The following AGMO variants were observed in gnomAD, a reference collection of about 807,000 sequenced individuals.
AGMO encodes alkylglycerol monooxygenase.
Under a neutral mutation model 60.2 loss-of-function variants are expected in AGMO, and 75 were observed. The ratio of observed to expected loss-of-function variants is 1.25; its 90% confidence interval spans 1.03 to 1.51. AGMO has a LOEUF of 1.51. AGMO is among the 40% of genes most tolerant of loss of function. The probability of loss-of-function intolerance (pLI) is 0.00; values close to 1 mark genes in which losing one functional copy is unlikely to be tolerated. For synonymous variants in AGMO, 261 were observed against 177.1 expected (o/e 1.47, Z -3.76); for missense variants, 763 against 525.5 (o/e 1.45, Z -4.42).
intron 3 of AGMO, among the ~76,000 whole-genome samples, chr7:15,441,368 A>G (rs926463189): frequency 1.3e-5 from 2 of 152,228 alleles, no homozygotes; most frequent in African/African-American, 4.8e-5. Flanking sequence ...TATCTACTTA[A>G]TGAAATCGAA....
At chr7:15,269,385 T>C (rs1044864791) in intron 12 of AGMO, among the ~76,000 whole-genome samples, 1 of 152,108 alleles carries the variant, frequency 6.6e-6, no homozygotes, top group African/African-American at 2.4e-5. Context: ...AAAAGGCAAG[T>C]GAGCACATGA....
chr7:15,186,850 C>T, the AGMO span, among the ~76,000 whole-genome samples: 1 of 152,128 alleles, frequency 6.6e-6, no homozygotes, highest in Admixed American at 6.6e-5. Flanking sequence ...ATGTTTCTCC[C>T]ACACAGTGGA....
At chr7:15,409,444 C>T (rs780961111) in intron 5 of AGMO, among the ~76,000 whole-genome samples, 4 of 151,802 alleles carry the variant, frequency 2.6e-5, no homozygotes, top group Non-Finnish European at 5.9e-5. Flanking sequence ...TGCTGTGTTG[C>T]CTTACATAAA....
chr7:15,202,138 T>C (rs1781306685), intron 12 of AGMO, among the ~76,000 whole-genome samples: 1 of 152,068 alleles, frequency 6.6e-6, no homozygotes, highest in African/African-American at 2.4e-5. Context: ...ACCAGAGTTA[T>C]TGGGATAGCT....
At chr7:15,523,528 T>C (rs1784053875) in intron 3 of AGMO, among the ~76,000 whole-genome samples, 1 of 152,152 alleles carries the variant, frequency 6.6e-6, no homozygotes, top group African/African-American at 2.4e-5. Context: ...TTACATCCTT[T>C]ACAGAGACAT....
the AGMO span, among the ~76,000 whole-genome samples, chr7:15,167,123 T>G: frequency 2.0e-5 from 3 of 152,078 alleles, no homozygotes; most frequent in Non-Finnish European, 4.4e-5. Context: ...ATCATGAAAA[T>G]TTATAGCAAT....
intron 5 of AGMO, among the ~76,000 whole-genome samples, chr7:15,410,247 T>C (rs1220490465): frequency 1.3e-5 from 2 of 151,808 alleles, no homozygotes; most frequent in South Asian, 2.1e-4. Context: ...CTTAGTCTTA[T>C]GTGTAGTAGC....
At chr7:15,197,623 T>C (rs1781153087), downstream of AGMO, among the ~76,000 whole-genome samples, 1 of 152,338 alleles carries the variant, frequency 6.6e-6, no homozygotes, top group South Asian at 2.1e-4. Flanking sequence ...AACTGACAAG[T>C]CCTGTAGCCT....
At chr7:15,349,948 T>TGGGTGGGGACACAGCCAAATCA (rs1782177980) in intron 12 of AGMO, among the ~76,000 whole-genome samples, 4 of 152,128 alleles carry the variant, frequency 2.6e-5, no homozygotes, top group African/African-American at 9.7e-5. Context: ...GGATGAGACT[T>TGGGTGGGGACACAGCCAAATCA]GGGTGGGGAC....
chr7:15,142,167 C>T, the AGMO span, among the ~76,000 whole-genome samples: 1 of 152,240 alleles, frequency 6.6e-6, no homozygotes, highest in African/African-American at 2.4e-5. Context: ...TGTTCCCAAT[C>T]CACATATTAT....
At chr7:15,369,681 T>C (rs2128563901) in intron 10 of AGMO, among the ~76,000 whole-genome samples, 1 of 152,288 alleles carries the variant, frequency 6.6e-6, no homozygotes, top group South Asian at 2.1e-4. Flanking sequence ...CACGTATATA[T>C]TTGTTGGTGC....
At chr7:15,533,953 G>A (rs1022897504) in intron 3 of AGMO, among the ~76,000 whole-genome samples, 6 of 151,870 alleles carry the variant, frequency 4.0e-5, no homozygotes, top group Non-Finnish European at 7.4e-5. Context: ...CAATGGTGGG[G>A]GTATTTTATT....
chr7:15,536,879 A>G (rs184327295), intron 3 of AGMO, among the ~76,000 whole-genome samples: 5 of 152,090 alleles, frequency 3.3e-5, no homozygotes, highest in East Asian at 1.9e-4. Context: ...TACTTGTTCA[A>G]TAAATGAAAG....
At chr7:15,436,052 C>T (rs1178755843) in intron 3 of AGMO, among the ~76,000 whole-genome samples, 1 of 152,102 alleles carries the variant, frequency 6.6e-6, no homozygotes, top group Admixed American at 6.6e-5. Context: ...TGGTTTCACT[C>T]ATAATCTGGA....
intron 12 of AGMO, among the ~76,000 whole-genome samples, chr7:15,361,546 A>AAAAAAAAAAAAAAAAGAAAAG (rs60239009): frequency 2.2e-5 from 2 of 91,408 alleles, no homozygotes; most frequent in Non-Finnish European, 4.3e-5. Context: ...TCTCAAAAAA[A>AAAAAAAAAAAAAAAAGAAAAG]AAAAAAAAGG....
At chr7:15,376,995 T>G (rs1210566853) in intron 10 of AGMO, among the ~76,000 whole-genome samples, 1 of 152,094 alleles carries the variant, frequency 6.6e-6, no homozygotes, top group Non-Finnish European at 1.5e-5. Flanking sequence ...AAGTAAGTAT[T>G]TATCTTCTCT....
intron 12 of AGMO, among the ~76,000 whole-genome samples, chr7:15,314,831 A>T (rs1280044395): frequency 6.6e-6 from 1 of 152,138 alleles, no homozygotes; most frequent in East Asian, 1.9e-4. Flanking sequence ...CAACTGAGCC[A>T]TCAAAAACAG....
At chr7:15,211,250 TATAAG>T (rs1167874503) in intron 12 of AGMO, among the ~76,000 whole-genome samples, 1 of 151,990 alleles carries the variant, frequency 6.6e-6, no homozygotes, top group East Asian at 1.9e-4. Context: ...ATTATAAGAA[TATAAG>T]AGAGACTATT....
chr7:15,214,594 T>TAC lies in AGMO; in HGVS notation c.1264-13237_1264-13236dup, dbSNP rs376130064. On this transcript the variant is annotated intron_variant, in intron 12 of 12. Coordinates refer to ENST00000342526, the MANE Select transcript of AGMO (RefSeq NM_001004320.2). ...GGTTTCTCACAATTCAAACCAATCC[T>TAC]ACCTTTGGGTCAAAGGGAAAAGAGC... Among the ~76,000 whole-genome samples, 392 of 152,132 alleles carry TAC rather than the reference T, an allele frequency of 2.6e-3. 2 individuals carry two copies. Among genetic ancestry groups the TAC allele is most frequent in the African/African-American group, 8.4e-3 (350 of 41,544 alleles).
Sources: gnomAD v4.1 joint callset for allele counts (sites outside exome capture counted in the v4.1 genomes callset) on GRCh38, gnomAD v4.1.1 for gene constraint, MANE v1.5 for transcripts, NCBI Gene and HGNC (gene_info 2026-07-23, HGNC 2026-07-21) for gene names.